CAMKMT: variants seen among roughly 807,000 people sequenced by gnomAD.
CAMKMT encodes calmodulin-lysine N-methyltransferase.
A neutral mutation model predicts 48.0 loss-of-function variants in CAMKMT; 53 were observed. That is an observed-to-expected ratio of 1.10 (90% CI 0.89 to 1.39). The LOEUF (loss-of-function observed/expected upper bound fraction) is 1.39. Among genes scored for constraint, CAMKMT ranks in the 40% most tolerant of loss-of-function variants. CAMKMT has a pLI of 0.00. For synonymous variants in CAMKMT, 165 were observed against 152.3 expected (o/e 1.08, Z -0.61); for missense variants, 428 against 402.7 (o/e 1.06, Z -0.54).
chr2:44,662,560 T>C (rs140643596), intron 3 of CAMKMT, among the ~76,000 whole-genome samples: 7 of 152,326 alleles, frequency 4.6e-5, no homozygotes, highest in Non-Finnish European at 8.8e-5. Flanking sequence ...AGTGTTCTTT[T>C]TTGTTTTCTG....
intron 2 of CAMKMT, among the ~76,000 whole-genome samples, chr2:44,389,567 T>C (rs1037500782): frequency 9.2e-5 from 14 of 152,238 alleles, no homozygotes; most frequent in African/African-American, 2.9e-4. Flanking sequence ...ATTTTTTTTT[T>C]CCCCTGAGAA....
At chr2:44,627,111 C>G (rs1226838147) in intron 3 of CAMKMT, among the ~76,000 whole-genome samples, 5 of 151,974 alleles carry the variant, frequency 3.3e-5, no homozygotes, top group Non-Finnish European at 7.4e-5. Flanking sequence ...ATTTTCCTGC[C>G]TCTTTTGAGA....
At chr2:44,394,526 C>T (rs1356799692) in intron 3 of CAMKMT, among the ~76,000 whole-genome samples, 1 of 151,956 alleles carries the variant, frequency 6.6e-6, no homozygotes, top group Non-Finnish European at 1.5e-5. Flanking sequence ...CTCCCAGGTT[C>T]AAGTGATTCT....
At chr2:44,468,640 C>T (rs1010398733) in intron 3 of CAMKMT, among the ~76,000 whole-genome samples, 3 of 151,958 alleles carry the variant, frequency 2.0e-5, no homozygotes, top group African/African-American at 4.8e-5. Context: ...AATATAAGGC[C>T]AGGTGTGGTG....
intron 3 of CAMKMT, among the ~76,000 whole-genome samples, chr2:44,701,958 AT>A (rs1677282038): frequency 6.6e-6 from 1 of 151,872 alleles, no homozygotes; most frequent in Non-Finnish European, 1.5e-5. Flanking sequence ...TAGTGGTCAC[AT>A]TTTACGTGAT....
At chr2:44,565,806 G>A (rs1013691333) in intron 3 of CAMKMT, among the ~76,000 whole-genome samples, 1 of 152,026 alleles carries the variant, frequency 6.6e-6, no homozygotes, top group Non-Finnish European at 1.5e-5. Context: ...ATCAATTACT[G>A]GGCAGGGCAC....
chr2:44,494,410 TC>T lies in CAMKMT; in HGVS notation c.376+104111del, dbSNP rs1669658099. 2.6e-5 allele frequency among the ~76,000 whole-genome samples: 4 copies of T among 152,214 alleles called. No homozygotes were observed. In the South Asian group the frequency reaches 8.3e-4, roughly 32 times the overall value. On this transcript the variant is annotated intron_variant, in intron 3 of 10. Transcript: ENST00000378494. ...AAGAGAGAGACCACCTCACTTTTTT[TC>T]CCCCCTCTTCCCTCTGTTTACGTAC...
At position 44,498,288 on chromosome 2, in the gene CAMKMT, T is replaced by A. The variant is rs560904449; in HGVS notation, c.376+107983T>A. Among the ~76,000 whole-genome samples the A allele has an allele frequency of 3.5e-4, 54 of 152,322 alleles. No homozygotes were observed. The South Asian group carries it at 5.0e-3, about 14-fold the overall frequency. ...ACATGCAGAAATGTAGCTATTCAGT[T>A]TCTCAGTTTTGGTGATGACCCATGT... On this transcript the variant is annotated intron_variant, in intron 3 of 10. Transcript: ENST00000378494.
chr2:44,494,315 T>A lies in CAMKMT; in HGVS notation c.376+104010T>A, dbSNP rs183645563. Among the ~76,000 whole-genome samples the A allele has an allele frequency of 1.2e-4, 19 of 152,320 alleles. No individual in the cohort carries two copies. The East Asian group carries it at 1.3e-3, about 11-fold the overall frequency. ...GTTGACTTGCATTTATTATTATCCT[T>A]TGAATTGTGTCCTCTTGAGATTTTG... On this transcript the variant is annotated intron_variant, in intron 3 of 10. Coordinates refer to ENST00000378494, the MANE Select transcript of CAMKMT (RefSeq NM_024766.5).
chr2:44,665,550 C>A (rs1170711234), intron 3 of CAMKMT, among the ~76,000 whole-genome samples: 1 of 152,188 alleles, frequency 6.6e-6, no homozygotes, highest in Non-Finnish European at 1.5e-5. Context: ...GCAATGATAG[C>A]TGGACCACTT....
intron 3 of CAMKMT, among the ~76,000 whole-genome samples, chr2:44,591,681 A>G (rs1301246946): frequency 6.6e-6 from 1 of 151,832 alleles, no homozygotes; most frequent in African/African-American, 2.4e-5. Flanking sequence ...TAGAACTAGA[A>G]ATACCATTTG....
chr2:44,754,213 C>A, intron 9 of CAMKMT, 95 bp downstream of exon 9: 1 of 930,024 alleles, frequency 1.1e-6, no homozygotes, highest in South Asian at 1.4e-5. Flanking sequence ...GGATTAATGT[C>A]ATGTAATACT....
intron 3 of CAMKMT, among the ~76,000 whole-genome samples, chr2:44,643,159 A>T (rs1360844958): frequency 1.3e-5 from 2 of 152,220 alleles, no homozygotes; most frequent in African/African-American, 4.8e-5. Flanking sequence ...GAGTATATTG[A>T]AAGCTCTTCT....
intron 3 of CAMKMT, among the ~76,000 whole-genome samples, chr2:44,699,158 A>G (rs1391655300): frequency 6.6e-6 from 1 of 152,182 alleles, no homozygotes; most frequent in African/African-American, 2.4e-5. Context: ...ACCTCCTCCC[A>G]TGACTCACAA....
intron 3 of CAMKMT, among the ~76,000 whole-genome samples, chr2:44,639,462 A>G (rs1322788973): frequency 6.6e-6 from 1 of 152,220 alleles, no homozygotes; most frequent in African/African-American, 2.4e-5. Context: ...AATTTGGGCA[A>G]ATTAATCTAT....
intron 3 of CAMKMT, among the ~76,000 whole-genome samples, chr2:44,452,560 A>C (rs143059148): frequency 3.9e-4 from 60 of 152,178 alleles, no homozygotes; most frequent in African/African-American, 1.4e-3. Flanking sequence ...TTCTTCCCTG[A>C]AATCTTTCAT....
intron 3 of CAMKMT, among the ~76,000 whole-genome samples, chr2:44,474,960 A>G (rs1310107592): frequency 6.6e-6 from 1 of 152,244 alleles, no homozygotes; most frequent in Non-Finnish European, 1.5e-5. Flanking sequence ...GCCAGACACA[A>G]GAATGACAAG....
chr2:44,386,149 G>A (rs1021232824), intron 2 of CAMKMT, among the ~76,000 whole-genome samples: 4 of 151,776 alleles, frequency 2.6e-5, no homozygotes, highest in African/African-American at 9.7e-5. Flanking sequence ...TTTCAGTCTC[G>A]CTGCTTGTTA....
At chr2:44,526,621 T>G (rs538540883) in intron 3 of CAMKMT, among the ~76,000 whole-genome samples, 3 of 152,200 alleles carry the variant, frequency 2.0e-5, no homozygotes, top group African/African-American at 7.2e-5. Context: ...CCAGCTCAGG[T>G]AGAGAGAGAG....
Sources: allele counts gnomAD v4.1 joint callset (sites outside exome capture counted in the v4.1 genomes callset), GRCh38; gene constraint gnomAD v4.1.1; transcripts MANE v1.5; gene names NCBI Gene and HGNC (gene_info 2026-07-23, HGNC 2026-07-21).